MAF: variants seen among roughly 807,000 people sequenced by gnomAD.
MAF encodes the protein transcription factor Maf.
In MAF, 10 loss-of-function variants were observed where a neutral mutation model predicts 22.0. That is an observed-to-expected ratio of 0.45 (90% CI 0.28 to 0.77). MAF has a LOEUF of 0.77. Among genes scored for constraint, MAF ranks in the 30% least tolerant of loss-of-function variants. The pLI, the probability that MAF is intolerant of heterozygous loss-of-function variation, is 0.12. For missense variants in MAF, 544 were observed against 548.4 expected, an observed-to-expected ratio of 0.99 and a Z score of 0.08; for synonymous variants, 337 against 255.8, an observed-to-expected ratio of 1.32 and a Z score of -3.03.
the MAF span, among the ~76,000 whole-genome samples, chr16:79,566,499 C>T: frequency 6.6e-6 from 1 of 152,196 alleles, no homozygotes; most frequent in Non-Finnish European, 1.5e-5. Flanking sequence ...GCATCTTGCC[C>T]ACCTTTCAGT....
chr16:79,262,176 G>C, the MAF span, among the ~76,000 whole-genome samples: 5 of 152,160 alleles, frequency 3.3e-5, no homozygotes, highest in African/African-American at 9.7e-5. Flanking sequence ...CGACAACTGT[G>C]CAGGATGGGT....
chr16:79,259,782 A>G, the MAF span, among the ~76,000 whole-genome samples: 15 of 152,318 alleles, frequency 9.8e-5, no homozygotes, highest in East Asian at 2.9e-3. Flanking sequence ...AAAGGACAAT[A>G]GAGGCTGAGA....
the MAF span, among the ~76,000 whole-genome samples, chr16:79,403,332 G>T: frequency 6.6e-6 from 1 of 152,238 alleles, no homozygotes. Flanking sequence ...AAATGTATGG[G>T]TAGAAATCAC....
At chr16:79,548,164 T>C in the MAF span, among the ~76,000 whole-genome samples, 1 of 152,224 alleles carries the variant, frequency 6.6e-6, no homozygotes, top group African/African-American at 2.4e-5. Flanking sequence ...TTTGATTTAT[T>C]GGTCAATTTC....
At chr16:79,353,079 A>G in the MAF span, among the ~76,000 whole-genome samples, 1 of 151,364 alleles carries the variant, frequency 6.6e-6, no homozygotes, top group African/African-American at 2.4e-5. Context: ...CTCCAAAATC[A>G]TACAAAAAAA....
chr16:79,502,722 T>TATATATAAATATAA, the MAF span, among the ~76,000 whole-genome samples: 3 of 36,636 alleles, frequency 8.2e-5, no homozygotes, highest in Non-Finnish European at 1.6e-4. Flanking sequence ...TATATATATA[T>TATATATAAATATAA]ATATATATAT....
the MAF span, among the ~76,000 whole-genome samples, chr16:79,246,546 G>GGC: frequency 2.9e-5 from 4 of 136,744 alleles, no homozygotes; most frequent in Admixed American, 7.2e-5. Flanking sequence ...TTTTTGGGGG[G>GGC]GGTGTGGGGG....
the MAF span, among the ~76,000 whole-genome samples, chr16:79,345,905 T>C: frequency 1.6e-4 from 24 of 152,142 alleles, no homozygotes; most frequent in African/African-American, 5.1e-4. Context: ...TTTGCTTTGA[T>C]TAGCTATAAT....
At chr16:79,579,008 C>T in the MAF span, among the ~76,000 whole-genome samples, 1 of 152,194 alleles carries the variant, frequency 6.6e-6, no homozygotes, top group East Asian at 1.9e-4. Flanking sequence ...TTATATTTTA[C>T]CTTTGGGTTA....
chr16:79,539,290 G>A, the MAF span, among the ~76,000 whole-genome samples: 2 of 152,206 alleles, frequency 1.3e-5, no homozygotes, highest in African/African-American at 2.4e-5. Flanking sequence ...GATAACCTGA[G>A]GGCAGGAGTT....
At chr16:79,319,667 T>C in the MAF span, among the ~76,000 whole-genome samples, 1 of 151,988 alleles carries the variant, frequency 6.6e-6, no homozygotes, top group Admixed American at 6.5e-5. Context: ...TCCATTGATT[T>C]ATGTATTTGC....
At chr16:79,513,073 C>T in the MAF span, among the ~76,000 whole-genome samples, 2 of 152,256 alleles carry the variant, frequency 1.3e-5, no homozygotes, top group Non-Finnish European at 2.9e-5. Context: ...TAAGCACCAG[C>T]AGCAATGCTG....
the MAF span, among the ~76,000 whole-genome samples, chr16:79,304,405 C>G: frequency 6.6e-6 from 1 of 152,188 alleles, no homozygotes; most frequent in African/African-American, 2.4e-5. Flanking sequence ...GAAATGTGGA[C>G]TCTGGTTTTT....
At chr16:79,347,678 C>A in the MAF span, among the ~76,000 whole-genome samples, 1 of 152,136 alleles carries the variant, frequency 6.6e-6, no homozygotes, top group African/African-American at 2.4e-5. Context: ...GGGCTGGGGA[C>A]AGTCCGGCCA....
the MAF span, among the ~76,000 whole-genome samples, chr16:79,351,773 C>T: frequency 8.5e-5 from 13 of 152,154 alleles, no homozygotes; most frequent in African/African-American, 1.9e-4. Flanking sequence ...TGACAAGTGT[C>T]GGGCAGAAGC....
At chr16:79,291,075 C>G in the MAF span, among the ~76,000 whole-genome samples, 5 of 152,246 alleles carry the variant, frequency 3.3e-5, no homozygotes, top group African/African-American at 1.2e-4. Flanking sequence ...TCCACATCTC[C>G]CATAGGACCC....
the MAF span, among the ~76,000 whole-genome samples, chr16:79,213,736 C>G: frequency 6.6e-6 from 1 of 152,194 alleles, no homozygotes; most frequent in East Asian, 1.9e-4. Context: ...CTATCCAGCC[C>G]CAGCTGTGCC....
At chr16:79,346,954 G>A in the MAF span, among the ~76,000 whole-genome samples, 2 of 152,250 alleles carry the variant, frequency 1.3e-5, no homozygotes, top group South Asian at 4.2e-4. Context: ...AATAAAGTAA[G>A]ACCAACATTG....
chr16:79,242,969 GA>G, the MAF span, among the ~76,000 whole-genome samples: 2 of 152,002 alleles, frequency 1.3e-5, no homozygotes, highest in African/African-American at 4.8e-5. Flanking sequence ...ATAACAAAAT[GA>G]AGGCAGAAAT....
Sources: allele counts gnomAD v4.1 joint callset (sites outside exome capture counted in the v4.1 genomes callset), GRCh38; gene constraint gnomAD v4.1.1; transcripts MANE v1.5; gene names NCBI Gene and HGNC (gene_info 2026-07-23, HGNC 2026-07-21).